AZIN2: variants seen among roughly 807,000 people sequenced by gnomAD.
AZIN2 encodes the protein ODC antizyme inhibitor-2.
A neutral mutation model predicts 47.8 loss-of-function variants in AZIN2; 28 were observed. The ratio of observed to expected loss-of-function variants is 0.59; its 90% CI spans 0.43 to 0.80. The LOEUF is 0.80. AZIN2 is among the 30% of genes least tolerant of loss of function. AZIN2 has a pLI of 0.00. For missense variants in AZIN2, 535 were observed against 582.5 expected (o/e 0.92, Z 0.84); for synonymous variants, 221 against 239.4 (o/e 0.92, Z 0.71).
chr1:33,115,178 T>G (rs529240425), intron 10 of AZIN2, among the ~76,000 whole-genome samples: 1 of 152,110 alleles, frequency 6.6e-6, no homozygotes, highest in Admixed American at 6.5e-5. Flanking sequence ...ATCTGTAAAA[T>G]GGGAATGCAA....
the AZIN2 span, chr1:33,158,277 A>G: frequency 1.2e-6 from 2 of 1,613,984 alleles, no homozygotes; most frequent in East Asian, 2.2e-5. Context: ...TGGAACAGGG[A>G]CTTCCAGATG....
the AZIN2 span, among the ~76,000 whole-genome samples, chr1:33,156,877 G>A: frequency 2.0e-5 from 3 of 151,952 alleles, no homozygotes; most frequent in Non-Finnish European, 2.9e-5. Context: ...TTGCTAATCC[G>A]CTAGCAAATC....
At chr1:33,139,983 C>G in the AZIN2 span, among the ~76,000 whole-genome samples, 1 of 152,166 alleles carries the variant, frequency 6.6e-6, no homozygotes, top group African/African-American at 2.4e-5. Context: ...AGGTTGTAGA[C>G]AGGGAGACAT....
At chr1:33,149,986 T>C in the AZIN2 span, among the ~76,000 whole-genome samples, 2 of 152,214 alleles carry the variant, frequency 1.3e-5, no homozygotes, top group East Asian at 1.9e-4. Context: ...TGGCATGGGC[T>C]GCATCACCTG....
the AZIN2 span, chr1:33,158,254 T>G: frequency 6.2e-7 from 1 of 1,613,684 alleles, no homozygotes; most frequent in Non-Finnish European, 8.5e-7. Flanking sequence ...ATGCCTTACC[T>G]GGGTGGATGT....
In AZIN2 at chr1:33,098,051, C is replaced by G. The variant is rs1453543827; in HGVS notation, c.917-16C>G. On this transcript the variant is annotated splice_polypyrimidine_tract_variant and intron_variant, in intron 9 of 11. Coordinates refer to ENST00000294517, the MANE Select transcript of AZIN2 (RefSeq NM_052998.4). ...CATTGCTACTTGTGCTGCCTCTGAA[C>G]CCTCCCCTCCTGCAGAGGAAAATGG... 1.9e-6 allele frequency: 3 copies of G among 1,601,510 alleles called. No homozygotes were observed. The highest frequency in any genetic ancestry group is 2.7e-5 in the African/African-American group (2 of 74,764).
Position 33,098,004 on chromosome 1 carries a change from C to T in AZIN2, c.917-63C>T, listed in dbSNP as rs200449591. On this transcript the variant is annotated intron_variant, in intron 9 of 11. Transcript: ENST00000294517. ...TTCCTTACTGAGCCCACTGTTGTGT[C>T]AGCCCCACTACCACCCCCTCACATT... is the stretch of plus-strand genomic sequence containing the variant. 3.2e-3 allele frequency: 3,974 copies of T among 1,236,610 alleles called. 12 individuals carry two copies. Among genetic ancestry groups the T allele is most frequent in the Non-Finnish European group, 4.4e-3 (3,706 of 840,828 alleles). The allele number at this position is 1,236,610 out of a possible 1,614,324, so 76.6% of individuals were successfully genotyped here.
chr1:33,129,657 T>A, the AZIN2 span, among the ~76,000 whole-genome samples: 92 of 152,220 alleles, frequency 6.0e-4, no homozygotes, highest in Admixed American at 9.2e-4. This position sits in a 1 kb window ranked among gnomAD's most constrained non-coding sequence, Gnocchi z 4.1. Flanking sequence ...AACCTGCTCC[T>A]TCCCTTCTCG....
chr1:33,138,626 C>CAAAAAAAAAAAAAAAA, the AZIN2 span, among the ~76,000 whole-genome samples: 3 of 66,076 alleles, frequency 4.5e-5, no homozygotes, highest in African/African-American at 4.7e-5. Flanking sequence ...ACAACAACAA[C>CAAAAAAAAAAAAAAAA]AAAAAAAAAA....
At chr1:33,104,584 A>G (rs1643908561) in intron 10 of AZIN2, among the ~76,000 whole-genome samples, 2 of 152,172 alleles carry the variant, frequency 1.3e-5, no homozygotes, top group Admixed American at 1.3e-4. Flanking sequence ...AATGTTTATT[A>G]GAAAAAATTT....
At chr1:33,163,866 G>C in the AZIN2 span, 2 of 152,572 alleles carry the variant, frequency 1.3e-5, no homozygotes, top group Non-Finnish European at 2.9e-5. Flanking sequence ...ACAGGAAGTG[G>C]GGCTGGGGGA....
rs572845063 is a variant in AZIN2 at position 33,093,100 on chromosome 1, A to G, written c.453-182A>G. 17 of 738,228 alleles carry G rather than the reference A, an allele frequency of 2.3e-5. No homozygotes were observed. In the African/African-American group the frequency reaches 2.5e-4, roughly 11 times the overall value. 45.7% of individuals were successfully genotyped at this position (738,228 alleles called of 1,614,324 possible). A position where few individuals can be genotyped will look rare whatever the true frequency, so the allele number is the denominator to read the frequency against. On this transcript the variant is annotated intron_variant, in intron 6 of 11. Coordinates refer to ENST00000294517, the MANE Select transcript of AZIN2 (RefSeq NM_052998.4). ...GGGGCTGCAGGAATGGGTCAGGGAC[A>G]TTTAGAGAATGGATTGGACAGGACT...
chr1:33,161,816 C>A, the AZIN2 span, among the ~76,000 whole-genome samples: 1 of 152,178 alleles, frequency 6.6e-6, no homozygotes, highest in African/African-American at 2.4e-5. This position sits in a 1 kb window ranked among gnomAD's most constrained non-coding sequence, Gnocchi z 4.3. Context: ...CACTCGCCAC[C>A]CTCTCCTAGT....
the AZIN2 span, among the ~76,000 whole-genome samples, chr1:33,138,594 A>C: frequency 6.6e-6 from 1 of 150,734 alleles, no homozygotes; most frequent in Non-Finnish European, 1.5e-5. Context: ...TCTGGGTGAC[A>C]GAGCGAGATC....
At chr1:33,107,078 G>C (rs1370767076) in intron 10 of AZIN2, among the ~76,000 whole-genome samples, 1 of 152,026 alleles carries the variant, frequency 6.6e-6, no homozygotes, top group Non-Finnish European at 1.5e-5. Flanking sequence ...CTTAAGGTCA[G>C]GAGTTCAAGA....
In AZIN2 at chr1:33,120,399, T is replaced by C. The variant is rs1247973122; in HGVS notation, c.*217T>C. 1.1e-5 allele frequency: 7 copies of C among 655,462 alleles called. No individual in the cohort carries two copies. Among genetic ancestry groups the C allele is most frequent in the Non-Finnish European group, 1.7e-5 (7 of 408,184 alleles). 40.6% of individuals were successfully genotyped at this position (655,462 alleles called of 1,614,324 possible). ...ACATAAATCCTGTTCCTTCCAGCTG[T>C]GTCTGCCTCCTCTGCAGTGCAAGGG... is the stretch of plus-strand genomic sequence containing the variant. On this transcript the variant is annotated 3_prime_UTR_variant, in exon 12 of 12. Transcript: ENST00000294517.
chr1:33,117,719 T>C (rs1644616701), intron 10 of AZIN2, among the ~76,000 whole-genome samples, 183 bp from the exon 11 acceptor site: 1 of 152,156 alleles, frequency 6.6e-6, no homozygotes, highest in South Asian at 2.1e-4. Flanking sequence ...CAGGCATTCG[T>C]GACTTCAGAG....
chr1:33,124,203 G>C (rs974833654), downstream of AZIN2, among the ~76,000 whole-genome samples: 1 of 152,018 alleles, frequency 6.6e-6, no homozygotes, highest in Non-Finnish European at 1.5e-5. This position sits in a 1 kb window ranked among gnomAD's most constrained non-coding sequence, Gnocchi z 4.6. Context: ...AAGAAAATGG[G>C]TATAAAGTAC....
chr1:33,098,170 C>T lies in AZIN2; in HGVS notation c.1020C>T (p.Ile340=), dbSNP rs776851719. ...VLFDNICPTP[I]LQKKPSTEQP... ...TTGACAACATCTGCCCTACCCCCAT[C>T]CTGCAGAAGGTGAGCTTACCCCACG... Residue 340 remains isoleucine, a synonymous_variant, in exon 10 of 12, where the codon ATC becomes ATT. Transcript: ENST00000294517. 1.2e-6 allele frequency: 2 copies of T among 1,610,062 alleles called. No homozygotes were observed. Among genetic ancestry groups the T allele is most frequent in the Non-Finnish European group, 8.5e-7 (1 of 1,178,256 alleles).
Sources: gnomAD v4.1 joint callset for allele counts (sites outside exome capture counted in the v4.1 genomes callset) on GRCh38, gnomAD v4.1.1 for gene constraint, Gnocchi (gnomAD v3.1) non-coding constraint, MANE v1.5 for transcripts, NCBI Gene and HGNC (gene_info 2026-07-23, HGNC 2026-07-21) for gene names.